Variants in EIF3H observed in about 807,000 individuals in gnomAD.
EIF3H encodes the protein eukaryotic translation initiation factor 3 subunit H.
EIF3H carries 26 observed loss-of-function variants against 44.2 expected under a neutral mutation model. The ratio of observed to expected loss-of-function variants is 0.59; its 90% CI spans 0.43 to 0.82. The LOEUF is 0.82. EIF3H is among the 40% of genes least tolerant of loss of function. The pLI, the probability that EIF3H is intolerant of heterozygous loss-of-function variation, is 0.00. For missense variants in EIF3H, 359 were observed against 432.8 expected, an observed-to-expected ratio of 0.83 and a Z score of 1.51; for synonymous variants, 166 against 151.9, an observed-to-expected ratio of 1.09 and a Z score of -0.68.
At chr8:116,676,142 C>T (rs2130827525) in intron 2 of EIF3H, among the ~76,000 whole-genome samples, 1 of 152,314 alleles carries the variant, frequency 6.6e-6, no homozygotes, top group Admixed American at 6.5e-5. Context: ...GATACATACG[C>T]AATTAAGATC....
At chr8:116,698,815 T>C (rs1355307815) in intron 2 of EIF3H, among the ~76,000 whole-genome samples, 3 of 152,298 alleles carry the variant, frequency 2.0e-5, no homozygotes, top group Non-Finnish European at 4.4e-5. Flanking sequence ...TGTATACCAA[T>C]GGCTCATTAG....
At chr8:116,661,017 T>G (rs1813578021) in intron 2 of EIF3H, among the ~76,000 whole-genome samples, 1 of 152,214 alleles carries the variant, frequency 6.6e-6, no homozygotes, top group Non-Finnish European at 1.5e-5. Context: ...TTCTCTAGCA[T>G]GTAAGAGGAA....
chr8:116,674,516 T>C (rs1297686100), intron 2 of EIF3H, among the ~76,000 whole-genome samples: 6 of 152,130 alleles, frequency 3.9e-5, no homozygotes, highest in Non-Finnish European at 8.8e-5. Context: ...GAAAGTCTCT[T>C]CCCTTGAATC....
At chr8:116,757,376 G>A (rs79354637), upstream of EIF3H, among the ~76,000 whole-genome samples, 1,784 of 152,210 alleles carry the variant, frequency 0.012, 35 homozygotes, top group African/African-American at 0.04. Context: ...TGACATTTCC[G>A]TCACTTCGGT....
intron 2 of EIF3H, among the ~76,000 whole-genome samples, chr8:116,670,217 A>G (rs1239222484): frequency 6.6e-6 from 1 of 152,246 alleles, no homozygotes; most frequent in Non-Finnish European, 1.5e-5. Flanking sequence ...AAGGGTCACA[A>G]GTACTGAGAT....
In EIF3H at chr8:116,668,461, G is replaced by A. The variant is rs112640967; in HGVS notation, c.290-9481C>T. 6.4e-4 allele frequency among the ~76,000 whole-genome samples: 98 copies of A among 152,242 alleles called. 1 individual carries two copies. The highest frequency in any genetic ancestry group is 2.1e-3 in the African/African-American group (88 of 41,544). ...ATTCAATGCATACAATGTTAAAGAA[G>A]TACATACATATACATACATACATAG... On this transcript the variant is annotated intron_variant, in intron 2 of 7. Coordinates refer to ENST00000521861, the MANE Select transcript of EIF3H (RefSeq NM_003756.3).
At chr8:116,713,732 C>CA (rs111495698) in intron 2 of EIF3H, among the ~76,000 whole-genome samples, 131 of 151,992 alleles carry the variant, frequency 8.6e-4, no homozygotes, top group African/African-American at 2.8e-3. Flanking sequence ...CTGAGTTATC[C>CA]AAAAAAATGT....
chr8:116,722,628 T>G (rs1207860687), intron 2 of EIF3H, among the ~76,000 whole-genome samples: 1 of 152,198 alleles, frequency 6.6e-6, no homozygotes. Context: ...TAGCAGCATG[T>G]AGTGCTTATT....
At chr8:116,714,784 G>A (rs1400900113) in intron 2 of EIF3H, among the ~76,000 whole-genome samples, 1 of 151,916 alleles carries the variant, frequency 6.6e-6, no homozygotes, top group African/African-American at 2.4e-5. Context: ...CATACAGATA[G>A]GGGGTAAGAC....
At chr8:116,695,291 A>C (rs531401306) in intron 2 of EIF3H, among the ~76,000 whole-genome samples, 1 of 151,944 alleles carries the variant, frequency 6.6e-6, no homozygotes, top group Non-Finnish European at 1.5e-5. Context: ...CTAGTCTCGA[A>C]CTCCTGGATC....
chr8:116,649,245 T>C (rs1047909705), intron 5 of EIF3H, among the ~76,000 whole-genome samples: 1 of 152,220 alleles, frequency 6.6e-6, no homozygotes, highest in Non-Finnish European at 1.5e-5. Flanking sequence ...CCAAGTTCAG[T>C]ATTCCCAAAT....
chr8:116,743,483 C>T (rs958604206), intron 1 of EIF3H, among the ~76,000 whole-genome samples: 1 of 150,688 alleles, frequency 6.6e-6, no homozygotes, highest in African/African-American at 2.4e-5. Context: ...GTGGCTCATG[C>T]CTATAATCCC....
intron 2 of EIF3H, among the ~76,000 whole-genome samples, chr8:116,721,643 CT>C (rs1039802488): frequency 6.6e-6 from 1 of 152,220 alleles, no homozygotes. Context: ...AGGGGCAGAG[CT>C]GCCCAAAGCC....
intron 1 of EIF3H, among the ~76,000 whole-genome samples, chr8:116,727,639 G>T (rs1814869048): frequency 6.6e-6 from 1 of 152,146 alleles, no homozygotes; most frequent in African/African-American, 2.4e-5. Context: ...ATAGTTGGGG[G>T]GTTAGTTTTT....
chr8:116,657,467 A>C (rs1021240227), intron 3 of EIF3H, 153 bp from the exon 4 acceptor site: 17 of 622,878 alleles, frequency 2.7e-5, no homozygotes, highest in South Asian at 1.8e-4. Flanking sequence ...AGCAGACTCA[A>C]AGCACTATTG....
intron 1 of EIF3H, among the ~76,000 whole-genome samples, chr8:116,744,784 T>C (rs762112312): frequency 6.6e-6 from 1 of 152,242 alleles, no homozygotes; most frequent in Non-Finnish European, 1.5e-5. Context: ...GCAACTAAGT[T>C]TTCTGTAAGT....
In EIF3H at chr8:116,682,785, T is replaced by C. The variant is rs906799228; in HGVS notation, c.290-23805A>G. On this transcript the variant is annotated intron_variant, in intron 2 of 7. Coordinates refer to ENST00000521861, the MANE Select transcript of EIF3H (RefSeq NM_003756.3). ...ACTTTCCAATTGCCTGTTACTTCTA[T>C]TCAACAACCTAATCAAGAGAATATA... is the stretch of plus-strand genomic sequence containing the variant. Among the ~76,000 whole-genome samples the C allele has an allele frequency of 3.3e-5, 5 of 152,216 alleles. 1 individual carries two copies. The highest frequency in any genetic ancestry group is 2.6e-4 in the Admixed American group (4 of 15,282).
Position 116,755,805 on chromosome 8 carries a change from A to G in EIF3H, c.-8T>C, listed in dbSNP as rs781485944. The G allele has an allele frequency of 1.3e-5, 21 of 1,612,726 alleles. No homozygotes were observed. In the African/African-American group the frequency reaches 2.5e-4, roughly 19 times the overall value. On this transcript the variant is annotated 5_prime_UTR_variant, in exon 1 of 8. Coordinates refer to ENST00000521861, the MANE Select transcript of EIF3H (RefSeq NM_003756.3). ...TTCCTTGCGGGACGCCATCTTTCCA[A>G]GCAGACAGGAAGAAAGAGAAACGTG...
chr8:116,654,617 C>T (rs1463676611), intron 5 of EIF3H, among the ~76,000 whole-genome samples: 2 of 152,114 alleles, frequency 1.3e-5, no homozygotes, highest in South Asian at 2.1e-4. Flanking sequence ...CTAAAACAGA[C>T]AAATTAAAGG....
Sources: allele counts gnomAD v4.1 joint callset (sites outside exome capture counted in the v4.1 genomes callset), GRCh38; gene constraint gnomAD v4.1.1; transcripts MANE v1.5; gene names NCBI Gene and HGNC (gene_info 2026-07-23, HGNC 2026-07-21).